Variants in ARPC1A observed in about 807,000 individuals in gnomAD.
ARPC1A encodes the protein actin-related protein 2/3 complex subunit 1A.
A neutral mutation model predicts 46.9 loss-of-function variants in ARPC1A; 8 were observed. The ratio of observed to expected loss-of-function variants is 0.17; its 90% CI spans 0.10 to 0.31. The LOEUF is 0.31. ARPC1A is among the 10% of genes least tolerant of loss of function. The probability of loss-of-function intolerance (pLI) is 1.00; values close to 1 mark genes in which losing one functional copy is unlikely to be tolerated. For synonymous variants in ARPC1A, 152 were observed against 169.0 expected, an observed-to-expected ratio of 0.90 and a Z score of 0.78; for missense variants, 286 against 483.6, an observed-to-expected ratio of 0.59 and a Z score of 3.83.
At chr7:99,358,459 A>G in intron 7 of ARPC1A, 44 bp downstream of exon 7, 1 of 1,539,612 alleles carries the variant, frequency 6.5e-7, no homozygotes, top group East Asian at 2.3e-5. Context: ...ACTGTATGTG[A>G]TGCTCAGACA....
At chr7:99,351,570 A>C (rs1242126334) in intron 5 of ARPC1A, among the ~76,000 whole-genome samples, 1 of 152,176 alleles carries the variant, frequency 6.6e-6, no homozygotes, top group Non-Finnish European at 1.5e-5. Flanking sequence ...TTGGTGGCTG[A>C]GAGCCACTGG....
chr7:99,335,960 GAA>G (rs56148288), intron 2 of ARPC1A, among the ~76,000 whole-genome samples: 1 of 128,780 alleles, frequency 7.8e-6, no homozygotes, highest in Non-Finnish European at 1.7e-5. Context: ...TCTCAAAAAA[GAA>G]AAAAAAAAAA....
chr7:99,341,755 T>C (rs984380966), intron 3 of ARPC1A, among the ~76,000 whole-genome samples: 5 of 152,184 alleles, frequency 3.3e-5, no homozygotes, highest in African/African-American at 1.2e-4. Context: ...TACTTCTCTT[T>C]TGGGGTCCTT....
intron 1 of ARPC1A, among the ~76,000 whole-genome samples, chr7:99,332,517 C>T (rs1364006912): frequency 6.6e-6 from 1 of 152,096 alleles, no homozygotes; most frequent in African/African-American, 2.4e-5. Context: ...TTTAAGAGTC[C>T]ATTGACGACC....
At chr7:99,357,901 C>T (rs1196606196) in intron 6 of ARPC1A, among the ~76,000 whole-genome samples, 4 of 152,198 alleles carry the variant, frequency 2.6e-5, no homozygotes, top group South Asian at 4.1e-4. Context: ...ACAGCCCTCT[C>T]GGAGCTCCGG....
intron 6 of ARPC1A, among the ~76,000 whole-genome samples, chr7:99,354,989 C>T (rs909023945): frequency 6.6e-6 from 1 of 152,012 alleles, no homozygotes; most frequent in African/African-American, 2.4e-5. Flanking sequence ...TGGCACATGC[C>T]TGTAATCCCA....
intron 3 of ARPC1A, among the ~76,000 whole-genome samples, chr7:99,341,130 GA>G (rs1793350815): frequency 6.6e-6 from 1 of 151,968 alleles, no homozygotes; most frequent in Non-Finnish European, 1.5e-5. Flanking sequence ...CCAACATGGT[GA>G]AACCCTGTCT....
Position 99,348,995 on chromosome 7 carries a change from G to A in ARPC1A, c.500+36G>A, listed in dbSNP as rs772252858. The A allele has an allele frequency of 3.9e-6, 6 of 1,533,566 alleles. 1 individual carries two copies. The South Asian group carries it at 6.8e-5, about 17-fold the overall frequency. The allele number at this position is 1,533,566 out of a possible 1,614,324, so 95.0% of individuals were successfully genotyped here. A position where few individuals can be genotyped will look rare whatever the true frequency, so the allele number is the denominator to read the frequency against. On this transcript the variant is annotated intron_variant, in intron 5 of 9. Transcript: ENST00000262942. Reference sequence around the variant, plus strand: ...GTGAGAACTGATAAACTTGAGCCGTGCATTCTTCATCCTTCAACAAATAAT... The same window carrying A: ...GTGAGAACTGATAAACTTGAGCCGTACATTCTTCATCCTTCAACAAATAAT...
At chr7:99,345,175 C>T (rs2150866141) in intron 4 of ARPC1A, among the ~76,000 whole-genome samples, 1 of 151,662 alleles carries the variant, frequency 6.6e-6, no homozygotes, top group South Asian at 2.1e-4. Flanking sequence ...CCTCATGATC[C>T]ACCGCCTCGG....
At chr7:99,337,353 G>A (rs867971000) in intron 2 of ARPC1A, among the ~76,000 whole-genome samples, 3 of 152,106 alleles carry the variant, frequency 2.0e-5, no homozygotes, top group Admixed American at 6.6e-5. Flanking sequence ...CCTGGGAGGC[G>A]GAGGTTGCAG....
At chr7:99,335,457 A>T in intron 2 of ARPC1A, 1 of 432,226 alleles carries the variant, frequency 2.3e-6, no homozygotes, top group South Asian at 1.6e-5. Context: ...TTTCAGGACC[A>T]GTCTGTCTTG....
At chr7:99,352,945 C>G (rs958768912) in intron 5 of ARPC1A, among the ~76,000 whole-genome samples, 7 of 150,954 alleles carry the variant, frequency 4.6e-5, no homozygotes, top group African/African-American at 1.7e-4. Flanking sequence ...GCCTGGGCAA[C>G]AAGAGCAAGA....
chr7:99,333,633 T>C (rs1793186071), intron 2 of ARPC1A, among the ~76,000 whole-genome samples: 1 of 152,168 alleles, frequency 6.6e-6, no homozygotes, highest in Non-Finnish European at 1.5e-5. Context: ...ACATACCAAG[T>C]TCACATTTAG....
chr7:99,332,003 C>T (rs1793151072), intron 1 of ARPC1A, among the ~76,000 whole-genome samples: 1 of 152,184 alleles, frequency 6.6e-6, no homozygotes, highest in East Asian at 1.9e-4. Context: ...ATCCTGCCTC[C>T]ATATTGCCTT....
chr7:99,342,313 G>A (rs578007527), intron 3 of ARPC1A, among the ~76,000 whole-genome samples: 29 of 152,192 alleles, frequency 1.9e-4, no homozygotes, highest in Middle Eastern at 3.4e-3. Context: ...AGTGCTTTGG[G>A]AGGCTGAGGC....
At chr7:99,343,179 C>T (rs1440546050) in intron 3 of ARPC1A, among the ~76,000 whole-genome samples, 1 of 152,040 alleles carries the variant, frequency 6.6e-6, no homozygotes, top group Admixed American at 6.6e-5. Flanking sequence ...GAAAATACCT[C>T]ATCAAGGCCA....
In ARPC1A at chr7:99,353,898, C is replaced by A. The variant is rs1382917285; in HGVS notation, c.501-11C>A. 5 of 1,612,834 alleles carry A rather than the reference C, an allele frequency of 3.1e-6. No homozygotes were observed. In the South Asian group the frequency reaches 5.5e-5, roughly 18 times the overall value. ...ATTTGCTTTTTCCTTTTCTCTCTGC[C>A]CTTTAAACAGAGTGTTTTCTGCCTA... On this transcript the variant is annotated splice_polypyrimidine_tract_variant and intron_variant, in intron 5 of 9. Coordinates refer to ENST00000262942, the MANE Select transcript of ARPC1A (RefSeq NM_006409.4).
rs1321654685 is a variant in ARPC1A at position 99,361,174 on chromosome 7, G to A, written c.983+1436G>A. 3.3e-5 allele frequency among the ~76,000 whole-genome samples: 5 copies of A among 152,194 alleles called. No homozygotes were observed. The East Asian group carries it at 9.7e-4, about 29-fold the overall frequency. On this transcript the variant is annotated intron_variant, in intron 8 of 9. Coordinates refer to ENST00000262942, the MANE Select transcript of ARPC1A (RefSeq NM_006409.4). ...CATCTTCAGCGGAGAAGGGGCAGCT[G>A]TATATAAAATAGGCTGCAAATGCTG...
chr7:99,365,096 A>G (rs764411816), intron 9 of ARPC1A, among the ~76,000 whole-genome samples: 3 of 152,182 alleles, frequency 2.0e-5, no homozygotes, highest in Non-Finnish European at 4.4e-5. Flanking sequence ...GAGAGCGCAC[A>G]CTGCCTCTGA....
Sources: allele counts gnomAD v4.1 joint callset (sites outside exome capture counted in the v4.1 genomes callset), GRCh38; gene constraint gnomAD v4.1.1; transcripts MANE v1.5; gene names NCBI Gene and HGNC (gene_info 2026-07-23, HGNC 2026-07-21).